ATL1: variants seen among roughly 807,000 people sequenced by gnomAD.
ATL1 encodes atlastin-1.
In ATL1, 31 loss-of-function variants were observed where a neutral mutation model predicts 75.5. The ratio of observed to expected loss-of-function variants is 0.41; its 90% CI spans 0.31 to 0.55. The LOEUF is 0.55. ATL1 is among the 20% of genes least tolerant of loss of function. The pLI, the probability that ATL1 is intolerant of heterozygous loss-of-function variation, is 0.27. For missense variants in ATL1, 405 were observed against 662.6 expected (o/e 0.61, Z 4.27); for synonymous variants, 226 against 233.3 (o/e 0.97, Z 0.28).
At chr14:50,615,256 G>A (rs955879) in intron 8 of ATL1, among the ~76,000 whole-genome samples, 114,140 of 152,194 alleles carry the variant, frequency 0.75, 42,924 homozygotes, top group East Asian at 0.82. Context: ...ACTTGAAAGC[G>A]TAGTGTTGAA....
intron 13 of ATL1, among the ~76,000 whole-genome samples, chr14:50,631,515 C>T (rs576186114): frequency 2.6e-4 from 39 of 152,094 alleles, no homozygotes; most frequent in South Asian, 8.3e-4. Flanking sequence ...CACTAGCTAA[C>T]GGGGCCAGGA....
intron 1 of ATL1, among the ~76,000 whole-genome samples, chr14:50,542,285 C>T (rs1047303193): frequency 1.1e-3 from 4 of 3,716 alleles, no homozygotes; most frequent in Admixed American, 3.0e-3. Context: ...CCTGTGGTGT[C>T]GGGGGGAGGG....
intron 1 of ATL1, among the ~76,000 whole-genome samples, chr14:50,538,514 A>G (rs2038521521): frequency 6.6e-6 from 1 of 152,246 alleles, no homozygotes; most frequent in Admixed American, 6.5e-5. Flanking sequence ...CTAAGAAAAG[A>G]TAGCAGATTA....
At chr14:50,616,432 A>G (rs1407647892) in intron 8 of ATL1, among the ~76,000 whole-genome samples, 1 of 152,012 alleles carries the variant, frequency 6.6e-6, no homozygotes, top group African/African-American at 2.4e-5. Context: ...AAATAGGACT[A>G]CAGGAGTGTG....
intron 1 of ATL1, among the ~76,000 whole-genome samples, chr14:50,576,589 T>G (rs962558381): frequency 2.6e-5 from 4 of 152,070 alleles, no homozygotes; most frequent in African/African-American, 9.7e-5. Context: ...GAAAAAAAAA[T>G]TTTAGAGACA....
chr14:50,544,652 G>T (rs2038605148), intron 1 of ATL1, among the ~76,000 whole-genome samples: 2 of 152,126 alleles, frequency 1.3e-5, no homozygotes, highest in Non-Finnish European at 1.5e-5. Flanking sequence ...AAATAAGGTG[G>T]CTGGGCGATG....
chr14:50,586,629 C>T (rs1389520629), intron 1 of ATL1, among the ~76,000 whole-genome samples: 1 of 152,048 alleles, frequency 6.6e-6, no homozygotes, highest in East Asian at 1.9e-4. Flanking sequence ...TATAGACTTT[C>T]TGTTCTTATG....
chr14:50,542,706 A>C (rs551911189), intron 1 of ATL1: 1 of 152,122 alleles, frequency 6.6e-6, no homozygotes, highest in Non-Finnish European at 1.5e-5. Context: ...AGGGGAAGAA[A>C]AAGTTTAGGC....
chr14:50,588,052 T>C lies in ATL1; in HGVS notation c.256T>C (p.Phe86Leu). ...FRKGKSFLMD[F>L]MLRYMYNQES... ...AAAAGGAAAATCATTCCTGATGGAC[T>C]TCATGTTGAGATACATGTACAACCA... The change falls in exon 2 of 14, where the codon TTC becomes CTC. Residue 86 changes from phenylalanine to leucine, a missense_variant. This residue lies in a region of ATL1 where 126 missense variants were observed against 172.0 expected (regional missense o/e 0.73). Transcript: ENST00000358385. 1 of 1,614,228 alleles carries C rather than the reference T, an allele frequency of 6.2e-7. No homozygotes were observed. The highest frequency in any genetic ancestry group is 8.5e-7 in the Non-Finnish European group (1 of 1,180,020).
chr14:50,615,207 T>G (rs1800848807), intron 8 of ATL1, among the ~76,000 whole-genome samples: 1 of 152,232 alleles, frequency 6.6e-6, no homozygotes, highest in Non-Finnish European at 1.5e-5. Flanking sequence ...ACATACGCTT[T>G]GTAGTTAGTA....
chr14:50,585,368 C>G (rs1242883555), intron 1 of ATL1, among the ~76,000 whole-genome samples: 1 of 152,122 alleles, frequency 6.6e-6, no homozygotes, highest in African/African-American at 2.4e-5. Context: ...AGTTTTCTGC[C>G]CCAAAGCTGT....
chr14:50,606,633 G>A lies in ATL1; in HGVS notation c.631-6626G>A, dbSNP rs1211169290. 3.3e-5 allele frequency among the ~76,000 whole-genome samples: 5 copies of A among 152,118 alleles called. No homozygotes were observed. The East Asian group carries it at 9.6e-4, about 29-fold the overall frequency. ...TGATTAATTACTTTTGCATAAATTG[G>A]TTGCCAGCCTACCAGACTTCCAACC... is the stretch of plus-strand genomic sequence containing the variant. On this transcript the variant is annotated intron_variant, in intron 6 of 13. Coordinates refer to ENST00000358385, the MANE Select transcript of ATL1 (RefSeq NM_015915.5).
chr14:50,584,232 G>A (rs1413174648), intron 1 of ATL1, among the ~76,000 whole-genome samples: 1 of 151,862 alleles, frequency 6.6e-6, no homozygotes, highest in African/African-American at 2.4e-5. Context: ...GAAATTAGTG[G>A]GACTTGGTGG....
In ATL1 at chr14:50,622,318, C is replaced by G. The variant is rs903312187; in HGVS notation, c.1047+419C>G. On this transcript the variant is annotated intron_variant, in intron 10 of 13. Coordinates refer to ENST00000358385, the MANE Select transcript of ATL1 (RefSeq NM_015915.5). ...CTGAGGCAGGAGGATCACTTGAGCC[C>G]AGGAGTTTGAGTCCAGCCTGGGCAA... 5.9e-5 allele frequency among the ~76,000 whole-genome samples: 9 copies of G among 152,254 alleles called. No individual in the cohort carries two copies. In the South Asian group the frequency reaches 8.3e-4, roughly 14 times the overall value.
At chr14:50,551,962 TACCC>T (rs1428357435) in intron 1 of ATL1, among the ~76,000 whole-genome samples, 1 of 152,042 alleles carries the variant, frequency 6.6e-6, no homozygotes, top group African/African-American at 2.4e-5. Flanking sequence ...AAGACAAGAA[TACCC>T]ACTTTCACCA....
intron 4 of ATL1, among the ~76,000 whole-genome samples, chr14:50,593,624 TG>T (rs2039184507): frequency 6.6e-6 from 1 of 152,206 alleles, no homozygotes. Flanking sequence ...CCAGAGCAGG[TG>T]ACTACTGTAT....
In ATL1 at chr14:50,591,573, T is replaced by C. The variant is rs1375360464; in HGVS notation, c.456T>C (p.Asp152=). The part of the protein sequence containing the change: ...VLLMDTQGTF[D]SQSTLRDSAT... ...TGATGGATACTCAGGGAACCTTTGA[T>C]AGTCAGTCAACTTTGAGAGATTCAG... Residue 152 remains aspartate, a synonymous_variant, in exon 4 of 14, where the codon GAT becomes GAC. Transcript: ENST00000358385. The C allele has an allele frequency of 6.2e-7, 1 of 1,613,648 alleles. No individual in the cohort carries two copies. Among genetic ancestry groups the C allele is most frequent in the Non-Finnish European group, 8.5e-7 (1 of 1,179,794 alleles).
chr14:50,585,445 T>C (rs2039093231), intron 1 of ATL1, among the ~76,000 whole-genome samples: 1 of 152,220 alleles, frequency 6.6e-6, no homozygotes, highest in Non-Finnish European at 1.5e-5. Flanking sequence ...AGATCATAAT[T>C]AAATCATAGG....
intron 1 of ATL1, among the ~76,000 whole-genome samples, chr14:50,567,348 T>C (rs913244653): frequency 2.0e-5 from 3 of 152,208 alleles, no homozygotes; most frequent in African/African-American, 4.8e-5. Flanking sequence ...ACACCACATT[T>C]TTTTATCCAT....
Sources: gnomAD v4.1 joint callset for allele counts (sites outside exome capture counted in the v4.1 genomes callset) on GRCh38, gnomAD v4.1.1 for gene constraint, gnomAD v4.1.1 regional missense constraint, MANE v1.5 for transcripts, NCBI Gene and HGNC (gene_info 2026-07-23, HGNC 2026-07-21) for gene names.